The following STIM2 variants were observed in gnomAD, a reference collection of about 807,000 sequenced individuals.
The protein encoded by STIM2 is stromal interaction molecule 2.
In STIM2, 31 loss-of-function variants were observed where a neutral mutation model predicts 85.8. The ratio of observed to expected loss-of-function variants is 0.36; its 90% CI spans 0.27 to 0.49. The LOEUF (loss-of-function observed/expected upper bound fraction) is 0.49, where lower values mean the gene tolerates loss of function less well. Ranked by LOEUF, STIM2 falls within the 20% of genes least tolerant of loss-of-function variation. STIM2 has a pLI of 0.98. For synonymous variants in STIM2, 356 were observed against 331.1 expected, an observed-to-expected ratio of 1.08 and a Z score of -0.82; for missense variants, 841 against 927.6, an observed-to-expected ratio of 0.91 and a Z score of 1.21.
rs547159129 is a variant in STIM2 at position 26,896,210 on chromosome 4, T to TG, written c.152-23293dup. Among the ~76,000 whole-genome samples, 5 of 152,354 alleles carry TG rather than the reference T, an allele frequency of 3.3e-5. No homozygotes were observed. The South Asian group carries it at 1.0e-3, about 32-fold the overall frequency. On this transcript the variant is annotated intron_variant, in intron 1 of 11. Transcript: ENST00000467087. ...AGTTTGCGCCTTCCAGGCCAGCAGGTGAATCTCTTTCACACTTTTCATCTC... is the reference window on the plus strand; with the variant it reads ...AGTTTGCGCCTTCCAGGCCAGCAGGTGGAATCTCTTTCACACTTTTCATCTC...
At chr4:26,981,915 C>A (rs1023742959) in intron 3 of STIM2, among the ~76,000 whole-genome samples, 4 of 150,420 alleles carry the variant, frequency 2.7e-5, no homozygotes, top group Non-Finnish European at 4.4e-5. Context: ...ATAGTGTCTG[C>A]TGTGTTTCCA....
chr4:26,954,197 C>A (rs1726157646), intron 2 of STIM2, among the ~76,000 whole-genome samples: 1 of 152,110 alleles, frequency 6.6e-6, no homozygotes, highest in Non-Finnish European at 1.5e-5. Context: ...AAACTGAAAT[C>A]AGTTTATTAT....
At chr4:26,968,209 G>A (rs1007742360) in intron 3 of STIM2, among the ~76,000 whole-genome samples, 1 of 151,986 alleles carries the variant, frequency 6.6e-6, no homozygotes, top group Non-Finnish European at 1.5e-5. Flanking sequence ...TTAAATATTG[G>A]TATGGGGAAC....
At chr4:26,894,002 C>T (rs1723601557) in intron 1 of STIM2, among the ~76,000 whole-genome samples, 1 of 152,124 alleles carries the variant, frequency 6.6e-6, no homozygotes, top group Admixed American at 6.5e-5. Flanking sequence ...GATTCTCCTT[C>T]CTCAGCTTCC....
intron 1 of STIM2, among the ~76,000 whole-genome samples, chr4:26,907,084 G>A (rs1393240558): frequency 1.3e-5 from 2 of 152,078 alleles, no homozygotes; most frequent in African/African-American, 4.8e-5. Flanking sequence ...GAGTAAGTGC[G>A]GGTATCTTCC....
At chr4:26,931,310 A>C (rs945315069) in intron 2 of STIM2, among the ~76,000 whole-genome samples, 1 of 152,146 alleles carries the variant, frequency 6.6e-6, no homozygotes, top group South Asian at 2.1e-4. Flanking sequence ...AGGTCCAGCC[A>C]ACCATCACGG....
chr4:26,943,077 T>G (rs1199851021), intron 2 of STIM2, among the ~76,000 whole-genome samples: 1 of 152,132 alleles, frequency 6.6e-6, no homozygotes, highest in African/African-American at 2.4e-5. Context: ...GCCCAAAAAT[T>G]TGGCATCATC....
intron 3 of STIM2, among the ~76,000 whole-genome samples, chr4:26,981,631 C>T (rs1014942414): frequency 2.6e-5 from 4 of 152,160 alleles, no homozygotes; most frequent in African/African-American, 9.7e-5. Flanking sequence ...ATGCATTGTA[C>T]CCGGTTGTCC....
chr4:26,891,309 G>C (rs1190520438), intron 1 of STIM2, among the ~76,000 whole-genome samples: 2 of 152,102 alleles, frequency 1.3e-5, no homozygotes, highest in Non-Finnish European at 1.5e-5. Flanking sequence ...GAGGTTTCCT[G>C]AAAAAGAAGT....
chr4:26,885,481 A>G (rs1199662217), intron 1 of STIM2, among the ~76,000 whole-genome samples: 1 of 152,030 alleles, frequency 6.6e-6, no homozygotes, highest in Non-Finnish European at 1.5e-5. Flanking sequence ...TGATTGTATC[A>G]GCTTATTTAC....
chr4:26,921,783 G>A (rs1462757884), intron 2 of STIM2, among the ~76,000 whole-genome samples: 4 of 152,110 alleles, frequency 2.6e-5, no homozygotes, highest in African/African-American at 9.7e-5. Flanking sequence ...ATCACTTTGA[G>A]AGTGTGATAG....
At chr4:26,997,069 T>C (rs1727983909) in intron 4 of STIM2, among the ~76,000 whole-genome samples, 1 of 152,112 alleles carries the variant, frequency 6.6e-6, no homozygotes, top group South Asian at 2.1e-4. Flanking sequence ...TTGGAACCTT[T>C]TTTAGTGGAG....
intron 2 of STIM2, among the ~76,000 whole-genome samples, chr4:26,931,788 A>C (rs1170927065): frequency 6.6e-6 from 1 of 152,192 alleles, no homozygotes; most frequent in African/African-American, 2.4e-5. Flanking sequence ...TCATAATTTC[A>C]TGATTTGTTT....
chr4:26,884,310 GGTT>G (rs1399861370), intron 1 of STIM2, among the ~76,000 whole-genome samples: 2 of 152,130 alleles, frequency 1.3e-5, no homozygotes, highest in African/African-American at 4.8e-5. Context: ...CACTTAATAG[GGTT>G]GTTGTGAGCA....
chr4:26,991,607 T>A (rs958649838), intron 3 of STIM2, among the ~76,000 whole-genome samples: 4 of 152,144 alleles, frequency 2.6e-5, no homozygotes, highest in Admixed American at 2.6e-4. Flanking sequence ...GATAAATGTT[T>A]GAGGTGATGG....
rs553531676 is a variant in STIM2, at chr4:26,973,875, G to A, written c.397+16149G>A. On this transcript the variant is annotated intron_variant, in intron 3 of 11. Coordinates refer to ENST00000467087, the MANE Select transcript of STIM2 (RefSeq NM_020860.4). ...CCATTATTATTGTGTGGGAGTCTAA[G>A]TCTCTTTGTAGCTCTTTAAGGACTT... Among the ~76,000 whole-genome samples the A allele has an allele frequency of 4.6e-5, 7 of 152,320 alleles. No homozygotes were observed. The South Asian group carries it at 1.5e-3, about 32-fold the overall frequency.
Position 26,986,095 on chromosome 4 carries a change from G to A in STIM2, c.398-9284G>A, listed in dbSNP as rs142633461. On this transcript the variant is annotated intron_variant, in intron 3 of 11. Transcript: ENST00000467087. ...CCTGTTTCCACTACTTACTTGGTCT[G>A]TGAATTTGAGCAAGTGGCTTAAACT... Among the ~76,000 whole-genome samples the A allele has an allele frequency of 1.2e-4, 18 of 152,260 alleles. No individual in the cohort carries two copies. In the East Asian group the frequency reaches 1.7e-3, roughly 15 times the overall value.
intron 2 of STIM2, among the ~76,000 whole-genome samples, chr4:26,950,419 T>A (rs780642928): frequency 8.6e-4 from 131 of 152,310 alleles, no homozygotes; most frequent in Non-Finnish European, 1.4e-3. Flanking sequence ...CATTATGGCT[T>A]GAATGTGTTC....
chr4:26,960,795 T>A (rs1726425483), intron 3 of STIM2, among the ~76,000 whole-genome samples: 2 of 152,182 alleles, frequency 1.3e-5, no homozygotes, highest in South Asian at 4.1e-4. Flanking sequence ...CCAGGCGCAG[T>A]GGCTCATGCC....
Sources: gnomAD v4.1 joint callset for allele counts (sites outside exome capture counted in the v4.1 genomes callset) on GRCh38, gnomAD v4.1.1 for gene constraint, MANE v1.5 for transcripts, NCBI Gene and HGNC (gene_info 2026-07-23, HGNC 2026-07-21) for gene names.